Variants in CCDC57 observed in about 807,000 individuals in gnomAD.
The protein encoded by CCDC57 is coiled-coil domain containing 57.
In CCDC57, 118 loss-of-function variants were observed where a neutral mutation model predicts 118.9. That is an observed-to-expected ratio of 0.99 (90% CI 0.86 to 1.16). CCDC57 has a LOEUF of 1.16. CCDC57 is among the 50% of genes most tolerant of loss of function. The pLI is 0.00. For synonymous variants in CCDC57, 527 were observed against 532.9 expected, an observed-to-expected ratio of 0.99 and a Z score of 0.15; for missense variants, 1,300 against 1,320.7, an observed-to-expected ratio of 0.98 and a Z score of 0.24.
chr17:82,172,862 T>C lies in CCDC57; in HGVS notation c.1507-2A>G. On this transcript the variant is annotated splice_acceptor_variant, in intron 11 of 19. Coordinates refer to ENST00000665763, the Ensembl canonical transcript of CCDC57. LOFTEE classifies it high-confidence loss of function. This position sits in a 1 kb window ranked among gnomAD's most constrained non-coding sequence, Gnocchi z 5.2. ...TTCTTCATGCTGCCTGAGAAGCATC[T>C]GTCAAATACAAGGAAAAATGGCTAC... 1 of 1,607,884 alleles carries C rather than the reference T, an allele frequency of 6.2e-7. No homozygotes were observed. Among genetic ancestry groups the C allele is most frequent in the East Asian group, 2.2e-5 (1 of 44,780 alleles).
intron 3 of CCDC57, among the ~76,000 whole-genome samples, chr17:82,199,932 T>C (rs966773410): frequency 6.6e-6 from 1 of 152,144 alleles, no homozygotes; most frequent in Admixed American, 6.5e-5. Flanking sequence ...CGAGATGCGA[T>C]AGAGAGAGGG....
At chr17:82,206,589 C>A (rs549302374) in intron 2 of CCDC57, among the ~76,000 whole-genome samples, 4 of 152,252 alleles carry the variant, frequency 2.6e-5, no homozygotes, top group Admixed American at 2.6e-4. Flanking sequence ...AAGCCTCTTC[C>A]CCCATATCTC....
chr17:82,141,475 C>T (rs552465045), intron 16 of CCDC57, among the ~76,000 whole-genome samples: 11 of 152,246 alleles, frequency 7.2e-5, no homozygotes, highest in South Asian at 4.2e-4. Flanking sequence ...CGTGAGCCAC[C>T]GCGACTGCCC....
chr17:82,175,112 C>CAA (rs1008271060), intron 11 of CCDC57, among the ~76,000 whole-genome samples: 18 of 152,202 alleles, frequency 1.2e-4, no homozygotes, highest in African/African-American at 4.1e-4. Context: ...AAACATGCAG[C>CAA]CATTTAGATT....
At chr17:82,157,418 T>G in intron 15 of CCDC57, 4 of 1,287,604 alleles carry the variant, frequency 3.1e-6, no homozygotes, top group South Asian at 2.0e-5. Flanking sequence ...AGGCCCTGCA[T>G]TAAAGCAAAC....
intron 16 of CCDC57, among the ~76,000 whole-genome samples, chr17:82,151,079 TCAGAACCTGGTGCAC>T (rs2041946897): frequency 9.3e-5 from 1 of 10,796 alleles, no homozygotes; most frequent in Non-Finnish European, 1.8e-4. Flanking sequence ...AGGCGCACAC[TCAGAACCTGGTGCAC>T]ACCCAGAACC....
chr17:82,120,174 A>ATTT (rs34212153), intron 19 of CCDC57, among the ~76,000 whole-genome samples: 1 of 148,934 alleles, frequency 6.7e-6, no homozygotes, highest in Admixed American at 6.7e-5. Flanking sequence ...TATTATTATT[A>ATTT]TTTTTTTTTT....
intron 19 of CCDC57, among the ~76,000 whole-genome samples, chr17:82,110,688 AACCT>A (rs1487744901): frequency 2.0e-5 from 3 of 152,218 alleles, no homozygotes; most frequent in Non-Finnish European, 4.4e-5. Flanking sequence ...AAAATTGTAA[AACCT>A]ACTACTGAAT....
chr17:82,133,992 T>C (rs2038812243), intron 17 of CCDC57, 81 bp downstream of exon 16: 2 of 1,248,978 alleles, frequency 1.6e-6, no homozygotes, highest in South Asian at 2.7e-5. Flanking sequence ...GTGTTTATTG[T>C]AATCTGAAGT....
chr17:82,189,823 T>A (rs997918192), intron 7 of CCDC57, among the ~76,000 whole-genome samples: 2 of 150,022 alleles, frequency 1.3e-5, no homozygotes, highest in Admixed American at 1.3e-4. Context: ...ACCAGCCTGA[T>A]CAACATGGAG....
At chr17:82,151,479 A>C (rs1369108041) in intron 16 of CCDC57, 81 bp downstream of exon 15, 1 of 1,337,684 alleles carries the variant, frequency 7.5e-7, no homozygotes, top group Non-Finnish European at 1.0e-6. Context: ...CCACATCCAG[A>C]ACCTGGCGCA....
exon 13 of CCDC57, chr17:82,171,715 G>C: frequency 6.2e-7 from 1 of 1,612,160 alleles, no homozygotes; most frequent in Middle Eastern, 1.7e-4. Context: ...CGTCTCTGTC[G>C]AGGTGCGGAC....
chr17:82,125,765 G>A (rs1157766825), intron 19 of CCDC57, among the ~76,000 whole-genome samples: 1 of 152,116 alleles, frequency 6.6e-6, no homozygotes, highest in East Asian at 1.9e-4. Context: ...GGATAAAGAG[G>A]AGATCCTACA....
chr17:82,120,945 CAG>C (rs1184432793), intron 19 of CCDC57, among the ~76,000 whole-genome samples: 2 of 152,124 alleles, frequency 1.3e-5, no homozygotes, highest in African/African-American at 4.8e-5. Flanking sequence ...TTAGTAGAGA[CAG>C]GGTTTCACCG....
intron 16 of CCDC57, among the ~76,000 whole-genome samples, chr17:82,145,303 T>C (rs1211560214): frequency 6.8e-6 from 1 of 146,638 alleles, no homozygotes; most frequent in African/African-American, 2.5e-5. Flanking sequence ...TCCCAGCACT[T>C]TGGGAGGCTG....
chr17:82,126,292 A>C (rs1009807729), intron 19 of CCDC57: 1 of 742,320 alleles, frequency 1.3e-6, no homozygotes, highest in Non-Finnish European at 1.6e-6. Flanking sequence ...AAGGAAAAAA[A>C]AAAAAAACAG....
exon 10 of CCDC57, chr17:82,179,059 G>C: frequency 3.7e-6 from 6 of 1,613,952 alleles, no homozygotes; most frequent in Non-Finnish European, 5.1e-6. Flanking sequence ...CCCTGAATCA[G>C]GGCCTCTGAC....
chr17:82,203,413 C>T (rs998708239), intron 2 of CCDC57, among the ~76,000 whole-genome samples: 4 of 152,070 alleles, frequency 2.6e-5, no homozygotes, highest in African/African-American at 7.2e-5. Context: ...ATATACCATC[C>T]GAGAGTACAT....
At position 82,172,841 on chromosome 17, in the gene CCDC57, T is replaced by C. The variant is rs1462128763; in HGVS notation, c.1526A>G (p.Glu509Gly). ...TGGAAAGTCTTTACTTATTTCTTCT[T>C]CATGCTGCCTGAGAAGCATCTGTCA... The change falls in exon 12 of 20, where the codon GAA becomes GGA. Residue 509 changes from glutamate (E) to glycine (G), a missense_variant. Glu to Gly is a moderately conservative substitution (Grantham distance 98, BLOSUM62 -2). Transcript: ENST00000665763. This position sits in a 1 kb window ranked among gnomAD's most constrained non-coding sequence, Gnocchi z 5.2. 1 of 1,612,244 alleles carries C rather than the reference T, an allele frequency of 6.2e-7. No individual in the cohort carries two copies.
Sources: allele counts gnomAD v4.1 joint callset (sites outside exome capture counted in the v4.1 genomes callset), GRCh38; gene constraint gnomAD v4.1.1; non-coding constraint Gnocchi (gnomAD v3.1); transcripts MANE v1.5; gene names NCBI Gene and HGNC (gene_info 2026-07-23, HGNC 2026-07-21).